The following CSMD2 variants were observed in gnomAD, a reference collection of about 807,000 sequenced individuals.
The protein encoded by CSMD2 is CUB and Sushi multiple domains 2.
In CSMD2, 130 loss-of-function variants were observed where a neutral mutation model predicts 398.5. The observed-to-expected ratio is 0.33, with a 90% CI of 0.28 to 0.38. The LOEUF is 0.38. CSMD2 is among the 10% of genes least tolerant of loss of function. The probability of loss-of-function intolerance (pLI) is 1.00; values close to 1 mark genes in which losing one functional copy is unlikely to be tolerated. For missense variants in CSMD2, 3,829 were observed against 4,764.9 expected (o/e 0.80, Z 5.78); for synonymous variants, 1,828 against 1,908.5 (o/e 0.96, Z 1.10).
Position 34,032,843 on chromosome 1 carries a change from C to G in CSMD2, c.405-137G>C, listed in dbSNP as rs1650629956. 5 of 617,540 alleles carry G rather than the reference C, an allele frequency of 8.1e-6. No homozygotes were observed. The South Asian group carries it at 1.0e-4, about 13-fold the overall frequency. The allele number at this position is 617,540 out of a possible 1,614,324, so 38.3% of individuals were successfully genotyped here. A position where few individuals can be genotyped will look rare whatever the true frequency, so the allele number is the denominator to read the frequency against. On this transcript the variant is annotated intron_variant, in intron 2 of 70. Transcript: ENST00000373381. ...GGGTGTTCAAAGACAAAGTGATTCTCAGCAGAGGTGATGAAAACCAGCAGG... is the reference window on the plus strand; with the variant it reads ...GGGTGTTCAAAGACAAAGTGATTCTGAGCAGAGGTGATGAAAACCAGCAGG...
rs545371780 is a variant in CSMD2 at position 34,050,118 on chromosome 1, G to A, written c.405-17412C>T. Among the ~76,000 whole-genome samples, 3 of 152,280 alleles carry A rather than the reference G, an allele frequency of 2.0e-5. No homozygotes were observed. The South Asian group carries it at 6.2e-4, about 32-fold the overall frequency. On this transcript the variant is annotated intron_variant, in intron 2 of 70. Transcript: ENST00000373381. ...AAATTTCTACTGTTTAAGCCACCCA[G>A]TCTACGAGTATTTTCTGATGGCAGC...
rs985686720 is a variant in CSMD2 at position 34,163,501 on chromosome 1, G to A, written c.187+1410C>T. 6.6e-6 allele frequency among the ~76,000 whole-genome samples: 1 copy of A among 152,214 alleles called. No homozygotes were observed. The highest frequency in any genetic ancestry group is 2.4e-5 in the African/African-American group (1 of 41,546). On this transcript the variant is annotated intron_variant, in intron 1 of 70. Coordinates refer to ENST00000373381, the MANE Select transcript of CSMD2 (RefSeq NM_001281956.2). The surrounding 1 kb of genome is among the most constrained non-coding windows in gnomAD (Gnocchi z 5.4). The stretch of plus-strand genomic sequence containing the variant: ...AGCGGTGGGCGACACGGTCTGCGAG[G>A]ACAGACTCACAAGACGCTGAAGGCC...
intron 2 of CSMD2, among the ~76,000 whole-genome samples, chr1:34,073,006 C>A (rs1402690671): frequency 6.6e-6 from 1 of 152,150 alleles, no homozygotes; most frequent in Non-Finnish European, 1.5e-5. Context: ...TCCCAGGTAT[C>A]CAGCCTCCCA....
intron 44 of CSMD2, chr1:33,592,045 T>G (rs999384254): frequency 6.4e-6 from 2 of 311,896 alleles, no homozygotes; most frequent in Non-Finnish European, 1.2e-5. Context: ...TAGGTTGTTG[T>G]ATTCCTTGGG....
rs749244219 is a variant in CSMD2 at position 33,846,914 on chromosome 1, G to A, written c.1003C>T (p.Arg335Trp). 38 of 1,609,682 alleles carry A rather than the reference G, an allele frequency of 2.4e-5. No homozygotes were observed. Among genetic ancestry groups the A allele is most frequent in the Non-Finnish European group, 3.1e-5 (36 of 1,177,620 alleles). ...TATTGGGCACTGAATCCGCGCTGCC[G>A]GTGGTTGCCATCCGATGTGAAGTGC... ...RLHFTSDGNH[R>W]QRGFSAQYQV... The change falls in exon 6 of 71, where the codon CGG (arginine) becomes TGG (tryptophan). Residue 335 changes from arginine to tryptophan, a missense_variant. This residue lies in a region of CSMD2 where 2,001 missense variants were observed against 2,567.1 expected (regional missense o/e 0.78). Coordinates refer to ENST00000373381, the MANE Select transcript of CSMD2 (RefSeq NM_001281956.2).
intron 5 of CSMD2, among the ~76,000 whole-genome samples, chr1:33,877,571 A>C (rs1406524179): frequency 6.6e-6 from 1 of 152,176 alleles, no homozygotes; most frequent in African/African-American, 2.4e-5. Context: ...TAATAATCAC[A>C]AAATCCCTGG....
At position 33,697,374 on chromosome 1, in the gene CSMD2, G is replaced by A. The variant is rs147062556; in HGVS notation, c.3925+1379C>T. 2.7e-3 allele frequency among the ~76,000 whole-genome samples: 417 copies of A among 152,292 alleles called. 3 individuals carry two copies. The highest frequency in any genetic ancestry group is 9.3e-3 in the African/African-American group (388 of 41,550). ...TAAAAAGAGATGGAGGGCGAAAGGG[G>A]AGATATGCCTGAAGACCAGGTCAAA... On this transcript the variant is annotated intron_variant, in intron 24 of 70. Coordinates refer to ENST00000373381, the MANE Select transcript of CSMD2 (RefSeq NM_001281956.2).
At chr1:33,822,559 G>A (rs2246823) in intron 7 of CSMD2, among the ~76,000 whole-genome samples, 1 of 151,950 alleles carries the variant, frequency 6.6e-6, no homozygotes, top group East Asian at 1.9e-4. Flanking sequence ...TGTCTCTTAC[G>A]CCCATCCCCT....
intron 13 of CSMD2, among the ~76,000 whole-genome samples, chr1:33,752,999 C>G (rs746162779): frequency 1.1e-4 from 17 of 152,200 alleles, no homozygotes; most frequent in Non-Finnish European, 2.1e-4. Flanking sequence ...CTGCTTCTAA[C>G]AGCTCATGAT....
intron 13 of CSMD2, among the ~76,000 whole-genome samples, chr1:33,747,769 T>C (rs1301942242): frequency 6.6e-6 from 1 of 152,184 alleles, no homozygotes; most frequent in African/African-American, 2.4e-5. Flanking sequence ...TAGCTCAGGC[T>C]TTACATTAGA....
At chr1:33,949,077 T>G (rs1276425807) in intron 3 of CSMD2, among the ~76,000 whole-genome samples, 1 of 152,154 alleles carries the variant, frequency 6.6e-6, no homozygotes, top group African/African-American at 2.4e-5. Flanking sequence ...CACTGTTACT[T>G]AAATAGTAAG....
rs535449173 is a variant in CSMD2, at chr1:34,093,437, G to T, written c.188-4244C>A. Among the ~76,000 whole-genome samples the T allele has an allele frequency of 2.0e-3, 301 of 152,292 alleles. 1 individual carries two copies. The highest frequency in any genetic ancestry group is 3.2e-3 in the Non-Finnish European group (218 of 68,020). On this transcript the variant is annotated intron_variant, in intron 1 of 70. Coordinates refer to ENST00000373381, the MANE Select transcript of CSMD2 (RefSeq NM_001281956.2). ...GACTTTGACGAGCTGAGAGAAGAAG[G>T]CTTCAGACGATCAAATTACTCTGAG...
chr1:33,577,681 C>A (rs543039711), intron 48 of CSMD2, among the ~76,000 whole-genome samples, 197 bp from the exon 49 acceptor site: 1 of 151,884 alleles, frequency 6.6e-6, no homozygotes, highest in Admixed American at 6.6e-5. Context: ...AACAAAACAA[C>A]GGAAACAAAA....
At chr1:34,032,782 C>T in intron 2 of CSMD2, 76 bp from the exon 3 acceptor site, 1 of 978,632 alleles carries the variant, frequency 1.0e-6, no homozygotes, top group Non-Finnish European at 1.6e-6. Context: ...TTATTGAGTG[C>T]CTGCTGGATA....
chr1:34,005,128 G>A (rs1647017713), intron 3 of CSMD2, among the ~76,000 whole-genome samples: 1 of 152,192 alleles, frequency 6.6e-6, no homozygotes, highest in South Asian at 2.1e-4. Flanking sequence ...AAGCTAATTA[G>A]ATACGAGAGA....
intron 2 of CSMD2, among the ~76,000 whole-genome samples, chr1:34,038,057 G>A (rs1651371618): frequency 6.6e-6 from 1 of 152,134 alleles, no homozygotes; most frequent in Admixed American, 6.5e-5. Flanking sequence ...CTAAGGCTGG[G>A]GGAGGGGATG....
At chr1:33,623,275 G>T in intron 36 of CSMD2, 95 bp downstream of exon 36, 1 of 873,138 alleles carries the variant, frequency 1.1e-6, no homozygotes. Flanking sequence ...TGGAATATAA[G>T]TGATATCTCA....
chr1:33,721,972 A>AT (rs961553305), intron 19 of CSMD2, among the ~76,000 whole-genome samples: 1 of 151,924 alleles, frequency 6.6e-6, no homozygotes, highest in Admixed American at 6.6e-5. Flanking sequence ...TGGCAAACTT[A>AT]TTTTTTTTAC....
intron 1 of CSMD2, among the ~76,000 whole-genome samples, chr1:34,096,674 GAA>G (rs1488048273): frequency 9.8e-6 from 1 of 101,816 alleles, no homozygotes; most frequent in Non-Finnish European, 2.0e-5. Context: ...GCTTCAAAGA[GAA>G]TAAAATACCT....
Sources: gnomAD v4.1 joint callset for allele counts (sites outside exome capture counted in the v4.1 genomes callset) on GRCh38, gnomAD v4.1.1 for gene constraint, gnomAD v4.1.1 regional missense constraint, Gnocchi (gnomAD v3.1) non-coding constraint, MANE v1.5 for transcripts, NCBI Gene and HGNC (gene_info 2026-07-23, HGNC 2026-07-21) for gene names.